ADAMTSL1: variants seen among roughly 807,000 people sequenced by gnomAD.
The protein encoded by ADAMTSL1 is ADAMTS-like protein 1.
A neutral mutation model predicts 201.8 loss-of-function variants in ADAMTSL1; 126 were observed. The observed-to-expected ratio is 0.62, with a 90% confidence interval of 0.54 to 0.72. ADAMTSL1 has a LOEUF of 0.72. Among genes scored for constraint, ADAMTSL1 ranks in the 30% least tolerant of loss-of-function variants. The pLI, the probability that ADAMTSL1 is intolerant of heterozygous loss-of-function variation, is 0.00. For synonymous variants in ADAMTSL1, 1,121 were observed against 903.4 expected (o/e 1.24, Z -4.32); for missense variants, 2,679 against 2,277.8 (o/e 1.18, Z -3.59).
intron 1 of ADAMTSL1, among the ~76,000 whole-genome samples, chr9:18,490,214 G>C (rs1822200066): frequency 6.6e-6 from 1 of 152,126 alleles, no homozygotes; most frequent in African/African-American, 2.4e-5. Context: ...TCCCAGTTGT[G>C]TATCACATAG....
At chr9:18,051,315 A>G (rs577870294) in intron 1 of ADAMTSL1, among the ~76,000 whole-genome samples, 1 of 152,156 alleles carries the variant, frequency 6.6e-6, no homozygotes, top group South Asian at 2.1e-4. Flanking sequence ...AAAAAATTAT[A>G]TATATCCACA....
chr9:18,519,235 C>G (rs965115962), intron 2 of ADAMTSL1, among the ~76,000 whole-genome samples: 3 of 152,178 alleles, frequency 2.0e-5, no homozygotes, highest in Non-Finnish European at 4.4e-5. Context: ...GTTATGGTCT[C>G]AGGTTTTATT....
chr9:18,228,786 T>C (rs1321785967), intron 2 of ADAMTSL1, among the ~76,000 whole-genome samples: 1 of 152,066 alleles, frequency 6.6e-6, no homozygotes, highest in Non-Finnish European at 1.5e-5. Context: ...TCCTGAAACG[T>C]GTGTGATACT....
chr9:18,663,719 A>G (rs1829254403), intron 9 of ADAMTSL1, among the ~76,000 whole-genome samples: 1 of 148,652 alleles, frequency 6.7e-6, no homozygotes, highest in South Asian at 2.1e-4. Context: ...TTTTTCCACA[A>G]AGAAAAAAAA....
intron 1 of ADAMTSL1, among the ~76,000 whole-genome samples, chr9:17,981,720 G>T (rs577015035): frequency 2.0e-5 from 3 of 152,124 alleles, no homozygotes; most frequent in African/African-American, 4.8e-5. Flanking sequence ...ATCTATTCAA[G>T]GTTCACTGTA....
intron 2 of ADAMTSL1, among the ~76,000 whole-genome samples, chr9:18,348,143 A>C (rs1835806839): frequency 6.6e-6 from 1 of 152,200 alleles, no homozygotes; most frequent in Non-Finnish European, 1.5e-5. Flanking sequence ...TCTTTTTAGC[A>C]GTGAAAATAG....
intron 1 of ADAMTSL1, among the ~76,000 whole-genome samples, chr9:17,930,564 A>C (rs1046547334): frequency 1.3e-5 from 2 of 152,104 alleles, no homozygotes; most frequent in African/African-American, 4.8e-5. Flanking sequence ...TTGTGCTTGG[A>C]GAGTCATAAA....
chr9:18,716,201 C>A (rs1832919472), intron 14 of ADAMTSL1, among the ~76,000 whole-genome samples: 1 of 151,876 alleles, frequency 6.6e-6, no homozygotes, highest in Admixed American at 6.6e-5. Context: ...TCTAAAACAC[C>A]AAAAGCAATG....
intron 17 of ADAMTSL1, among the ~76,000 whole-genome samples, chr9:18,772,969 A>G (rs1437937336): frequency 6.6e-6 from 1 of 152,198 alleles, no homozygotes; most frequent in African/African-American, 2.4e-5. Flanking sequence ...GGAAGTAATC[A>G]CTGAATTGTT....
intron 2 of ADAMTSL1, among the ~76,000 whole-genome samples, chr9:18,468,822 A>G (rs1488432067): frequency 6.6e-6 from 1 of 152,206 alleles, no homozygotes; most frequent in Non-Finnish European, 1.5e-5. Flanking sequence ...CCCTGAATTA[A>G]GTCTTGTAGG....
intron 1 of ADAMTSL1, among the ~76,000 whole-genome samples, chr9:18,499,525 G>A (rs1258708702): frequency 2.6e-5 from 4 of 152,240 alleles, no homozygotes; most frequent in Admixed American, 6.5e-5. Context: ...GGATGTTTCT[G>A]TGTATAGATT....
intron 4 of ADAMTSL1, among the ~76,000 whole-genome samples, chr9:18,579,357 A>T (rs1426770702): frequency 2.9e-5 from 2 of 68,930 alleles, no homozygotes; most frequent in African/African-American, 5.8e-5. Flanking sequence ...GGGAGGGGGG[A>T]GGGGGGAGGG....
At chr9:18,110,869 C>A (rs1330891872) in intron 1 of ADAMTSL1, among the ~76,000 whole-genome samples, 3 of 152,084 alleles carry the variant, frequency 2.0e-5, no homozygotes, top group Non-Finnish European at 4.4e-5. Flanking sequence ...ACTGAACCAC[C>A]CCTCCCATAA....
chr9:18,305,207 C>A (rs1833864012), intron 2 of ADAMTSL1, among the ~76,000 whole-genome samples: 1 of 152,198 alleles, frequency 6.6e-6, no homozygotes, highest in African/African-American at 2.4e-5. Context: ...GTCTTCACAA[C>A]CTACAGACCA....
At chr9:18,776,545 CT>C (rs1486425969) in intron 18 of ADAMTSL1, among the ~76,000 whole-genome samples, 2 of 152,192 alleles carry the variant, frequency 1.3e-5, no homozygotes. Flanking sequence ...GTGGTGGCAG[CT>C]TGATGGTCCA....
chr9:18,298,314 A>C (rs1390890557), intron 2 of ADAMTSL1, among the ~76,000 whole-genome samples: 1 of 152,216 alleles, frequency 6.6e-6, no homozygotes, highest in African/African-American at 2.4e-5. Flanking sequence ...CATGAGTCTT[A>C]CAGAGAAACA....
At chr9:18,807,980 C>A (rs1823272093) in intron 20 of ADAMTSL1, among the ~76,000 whole-genome samples, 1 of 152,108 alleles carries the variant, frequency 6.6e-6, no homozygotes, top group South Asian at 2.1e-4. Flanking sequence ...CAGCAGTAAT[C>A]TATTAGTAGG....
intron 20 of ADAMTSL1, among the ~76,000 whole-genome samples, chr9:18,811,012 C>CAAAAAAAAAAAAAAAAAAA (rs76456235): frequency 2.6e-5 from 1 of 38,790 alleles, no homozygotes; most frequent in Non-Finnish European, 4.3e-5. Flanking sequence ...CAATGAGTAC[C>CAAAAAAAAAAAAAAAAAAA]AAAAAAAAAA....
intron 16 of ADAMTSL1, among the ~76,000 whole-genome samples, chr9:18,764,289 T>C (rs1345829612): frequency 6.6e-6 from 1 of 152,238 alleles, no homozygotes; most frequent in African/African-American, 2.4e-5. Context: ...CTTTTTCATG[T>C]TGTTCACTGT....
Sources: gnomAD v4.1 joint callset for allele counts (sites outside exome capture counted in the v4.1 genomes callset) on GRCh38, gnomAD v4.1.1 for gene constraint, MANE v1.5 for transcripts, NCBI Gene and HGNC (gene_info 2026-07-23, HGNC 2026-07-21) for gene names.